MIER1: variants seen among roughly 807,000 people sequenced by gnomAD.
MIER1 encodes mesoderm induction early response protein 1.
MIER1 carries 40 observed loss-of-function variants against 75.7 expected under a neutral mutation model. The observed-to-expected ratio is 0.53, with a 90% CI of 0.41 to 0.69. The LOEUF (loss-of-function observed/expected upper bound fraction) is 0.69, where lower values mean the gene tolerates loss of function less well. Among genes scored for constraint, MIER1 ranks in the 30% least tolerant of loss-of-function variants. The probability of loss-of-function intolerance (pLI) is 0.00; values close to 1 mark genes in which losing one functional copy is unlikely to be tolerated. For synonymous variants in MIER1, 213 were observed against 223.4 expected (o/e 0.95, Z 0.42); for missense variants, 574 against 680.2 (o/e 0.84, Z 1.74).
intron 11 of MIER1, among the ~76,000 whole-genome samples, chr1:66,974,514 A>T (rs765412979): frequency 1.3e-5 from 2 of 152,020 alleles, no homozygotes; most frequent in African/African-American, 2.4e-5. Context: ...TTACCTAAGG[A>T]AGGGACCCCT....
chr1:66,971,713 G>C lies in MIER1; in HGVS notation c.983G>C (p.Arg328Thr). ...FDTEEALRRL[R>T]FNVKAAREEL... ...ACAGAAGAAGCATTGAGAAGATTAA[G>C]ATTTAATGTAAAAGCAGCTAGAGGT... is the stretch of plus-strand genomic sequence containing the variant. Residue 328 changes from arginine to threonine, a missense_variant, in exon 10 of 14, where the codon AGA (arginine) becomes ACA (threonine). Arg to Thr is a moderately conservative substitution (Grantham distance 71). Around this residue, in one of 3 missense-constraint regions of MIER1, gnomAD observed 101 missense variants for 173.1 expected, o/e 0.58. Transcript: ENST00000401041. 1 of 1,502,618 alleles carries C rather than the reference G, an allele frequency of 6.7e-7. No homozygotes were observed. Among genetic ancestry groups the C allele is most frequent in the South Asian group, 1.2e-5 (1 of 84,758 alleles). The allele number at this position is 1,502,618 out of a possible 1,614,324, so 93.1% of individuals were successfully genotyped here.
chr1:66,957,590 T>C (rs1175180665), intron 4 of MIER1, among the ~76,000 whole-genome samples: 1 of 131,522 alleles, frequency 7.6e-6, no homozygotes, highest in African/African-American at 2.9e-5. Context: ...TGTTTGTGTT[T>C]TTTTTTTTTT....
chr1:66,984,446 C>A, intron 13 of MIER1, 126 bp from the exon 14 acceptor site: 1 of 666,762 alleles, frequency 1.5e-6, no homozygotes, highest in Non-Finnish European at 2.5e-6. Flanking sequence ...AGTAATAGAG[C>A]AAGAATTTAG....
chr1:66,969,444 C>G (rs1663114893), intron 8 of MIER1, among the ~76,000 whole-genome samples: 1 of 145,330 alleles, frequency 6.9e-6, no homozygotes, highest in Admixed American at 7.2e-5. Flanking sequence ...ACTCTGGAGG[C>G]TGAGGCAGGA....
At chr1:66,963,604 T>C (rs1661694975) in intron 8 of MIER1, among the ~76,000 whole-genome samples, 1 of 151,800 alleles carries the variant, frequency 6.6e-6, no homozygotes, top group East Asian at 1.9e-4. Context: ...CAAAATGGAG[T>C]GCTTATTAAA....
chr1:66,977,902 C>T (rs1416192941), intron 12 of MIER1, among the ~76,000 whole-genome samples: 2 of 151,942 alleles, frequency 1.3e-5, no homozygotes, highest in African/African-American at 2.4e-5. Flanking sequence ...TAATTACCTT[C>T]GAAAGATGTG....
At chr1:66,927,935 G>A (rs111265524) in intron 2 of MIER1, among the ~76,000 whole-genome samples, 88 of 152,062 alleles carry the variant, frequency 5.8e-4, no homozygotes, top group Admixed American at 1.2e-3. Context: ...GTAAGTAAGC[G>A]TTTTGAGAAA....
At chr1:66,951,858 A>G (rs957148676) in intron 4 of MIER1, among the ~76,000 whole-genome samples, 5 of 152,190 alleles carry the variant, frequency 3.3e-5, no homozygotes, top group Admixed American at 3.3e-4. Flanking sequence ...ACCTGACGTT[A>G]GATTTTGAAG....
chr1:66,941,813 A>C (rs1461236261), intron 3 of MIER1, among the ~76,000 whole-genome samples: 1 of 152,154 alleles, frequency 6.6e-6, no homozygotes, highest in Non-Finnish European at 1.5e-5. Context: ...TCTTCTAAAA[A>C]TACGAAAATT....
rs201331228 is a variant in MIER1 at position 66,947,936 on chromosome 1, G to A, written c.339+1641G>A. 19 of 985,310 alleles carry A rather than the reference G, an allele frequency of 1.9e-5. No homozygotes were observed. In the East Asian group the frequency reaches 1.0e-3, roughly 53 times the overall value. 61.0% of individuals were successfully genotyped at this position (985,310 alleles called of 1,614,324 possible). A position where few individuals can be genotyped will look rare whatever the true frequency, so the allele number is the denominator to read the frequency against. On this transcript the variant is annotated intron_variant, in intron 4 of 13. Coordinates refer to ENST00000401041, the MANE Select transcript of MIER1 (RefSeq NM_001077700.3). ...GGCCGGCTCCTTATCCTCTGGGTTC[G>A]GTGTTGCCTCCTCAGAATAGCAGCC...
chr1:66,950,910 A>G (rs1570280099), intron 4 of MIER1, among the ~76,000 whole-genome samples: 2 of 151,982 alleles, frequency 1.3e-5, no homozygotes, highest in African/African-American at 2.4e-5. Context: ...CCTTCTTCCT[A>G]TCTTCATTAG....
intron 2 of MIER1, among the ~76,000 whole-genome samples, chr1:66,936,998 C>CAAAAAAAAAAAAAA (rs751644771): frequency 7.3e-5 from 5 of 68,356 alleles, no homozygotes; most frequent in Non-Finnish European, 1.1e-4. Context: ...GACTCCATCT[C>CAAAAAAAAAAAAAA]AAAAAAAAAA....
chr1:66,983,868 G>A (rs563595566), intron 13 of MIER1, among the ~76,000 whole-genome samples: 23 of 152,240 alleles, frequency 1.5e-4, no homozygotes, highest in Non-Finnish European at 3.1e-4. Context: ...GCTGGGAGAC[G>A]GTGCACGCCA....
At chr1:66,930,665 G>GAGGGGGCGCCCGCCGGGGA (rs1553237846) in intron 2 of MIER1, among the ~76,000 whole-genome samples, 1 of 151,932 alleles carries the variant, frequency 6.6e-6, no homozygotes, top group Non-Finnish European at 1.5e-5. Context: ...GTGCGAGGGG[G>GAGGGGGCGCCCGCCGGGGA]AGGGGGCGCC....
intron 2 of MIER1, 126 bp from the exon 3 acceptor site, chr1:66,939,902 T>C (rs1655779412): frequency 1.5e-6 from 1 of 677,258 alleles, no homozygotes; most frequent in Middle Eastern, 2.9e-4. Flanking sequence ...ACATTAAAAC[T>C]AAAATGCAGA....
chr1:66,981,888 G>C lies in MIER1; in HGVS notation c.1339G>C (p.Asp447His). The change falls in exon 13 of 14, where the codon GAT (aspartate) becomes CAT (histidine). Residue 447 changes from aspartate (D) to histidine (H), a missense_variant. Asp to His is a moderately conservative substitution (Grantham distance 81, BLOSUM62 -1). Around this residue, in one of 3 missense-constraint regions of MIER1, gnomAD observed 164 missense variants for 154.3 expected, o/e 1.06. Transcript: ENST00000401041. The stretch of plus-strand genomic sequence containing the variant: ...TAGTAACAGCCAGTCTGAGAAAGAA[G>C]ATGGCACTGTAAGCACTGCTAATCA... ...NSSNSQSEKEDGTVSTANQNG... is the reference protein window; with the variant it reads ...NSSNSQSEKEHGTVSTANQNG... 6.2e-7 allele frequency: 1 copy of C among 1,614,036 alleles called. No individual in the cohort carries two copies. Among genetic ancestry groups the C allele is most frequent in the Non-Finnish European group, 8.5e-7 (1 of 1,179,924 alleles).
At chr1:66,937,704 A>T (rs571709462) in intron 2 of MIER1, among the ~76,000 whole-genome samples, 4 of 152,248 alleles carry the variant, frequency 2.6e-5, no homozygotes, top group South Asian at 4.1e-4. Flanking sequence ...CTATATTAAG[A>T]TGCTAAACTC....
At chr1:66,925,320 G>C (rs3008860) in intron 1 of MIER1, 737,486 of 984,780 alleles carry the variant, frequency 0.75, 276,799 homozygotes, top group East Asian at 0.88. Flanking sequence ...GCCATCGACT[G>C]CCTCCCAGCG....
intron 4 of MIER1, among the ~76,000 whole-genome samples, chr1:66,957,767 C>G (rs1039573446): frequency 2.6e-5 from 4 of 151,914 alleles, no homozygotes; most frequent in Non-Finnish European, 5.9e-5. Flanking sequence ...TGTGCATATA[C>G]TGAATTGATT....
Sources: allele counts gnomAD v4.1 joint callset (sites outside exome capture counted in the v4.1 genomes callset), GRCh38; gene constraint gnomAD v4.1.1; regional missense constraint gnomAD v4.1.1; transcripts MANE v1.5; gene names NCBI Gene and HGNC (gene_info 2026-07-23, HGNC 2026-07-21).